ATRN: variants seen among roughly 807,000 people sequenced by gnomAD.
ATRN encodes attractin.
ATRN carries 54 observed loss-of-function variants against 178.7 expected under a neutral mutation model. The observed-to-expected ratio is 0.30, with a 90% CI of 0.24 to 0.38. The LOEUF (loss-of-function observed/expected upper bound fraction) is 0.38, where lower values mean the gene tolerates loss of function less well. Among genes scored for constraint, ATRN ranks in the 10% least tolerant of loss-of-function variants. The pLI, the probability that ATRN is intolerant of heterozygous loss-of-function variation, is 1.00. For synonymous variants in ATRN, 636 were observed against 663.0 expected (o/e 0.96, Z 0.63); for missense variants, 1,443 against 1,815.1 (o/e 0.79, Z 3.73).
chr20:3,555,502 G>A (rs894724235), intron 6 of ATRN, among the ~76,000 whole-genome samples: 2 of 152,124 alleles, frequency 1.3e-5, no homozygotes, highest in Admixed American at 1.3e-4. Flanking sequence ...TCCCTACCCA[G>A]AACTCAGAGC....
At chr20:3,552,331 C>G (rs1280982906) in intron 6 of ATRN, among the ~76,000 whole-genome samples, 1 of 152,162 alleles carries the variant, frequency 6.6e-6, no homozygotes, top group African/African-American at 2.4e-5. Context: ...CTATCTCCAG[C>G]TCTTTAATTG....
chr20:3,487,908 CT>C (rs2084718625), intron 1 of ATRN, among the ~76,000 whole-genome samples: 1 of 152,132 alleles, frequency 6.6e-6, no homozygotes, highest in African/African-American at 2.4e-5. Flanking sequence ...TTTAAAAGCT[CT>C]TTAAGGGTTC....
chr20:3,601,796 G>A (rs2086612657), intron 23 of ATRN, among the ~76,000 whole-genome samples: 1 of 149,832 alleles, frequency 6.7e-6, no homozygotes, highest in Admixed American at 6.7e-5. Context: ...CCCAGGGGTT[G>A]GAGATTGCAC....
chr20:3,622,231 A>G (rs2086902288), intron 24 of ATRN, among the ~76,000 whole-genome samples: 1 of 152,250 alleles, frequency 6.6e-6, no homozygotes, highest in Admixed American at 6.5e-5. Context: ...TAGTTTTCCC[A>G]AAGTCCTCCC....
Position 3,638,779 on chromosome 20 carries a change from ACC to A in ATRN, c.3943-46_3943-45del, listed in dbSNP as rs752686342. The A allele has an allele frequency of 2.0e-6, 3 of 1,524,854 alleles. No individual in the cohort carries two copies. The Admixed American group carries it at 5.1e-5, about 26-fold the overall frequency. The allele number at this position is 1,524,854 out of a possible 1,614,324, so 94.5% of individuals were successfully genotyped here. The stretch of plus-strand genomic sequence containing the variant: ...TTAACATGTAGCATTAACTAATAAA[ACC>A]CCTTCAGTACTCATTCCATTAATGG... On this transcript the variant is annotated intron_variant, in intron 26 of 28. Coordinates refer to ENST00000262919, the MANE Select transcript of ATRN (RefSeq NM_139321.3). This position sits in a 1 kb window ranked among gnomAD's most constrained non-coding sequence, Gnocchi z 4.5.
intron 19 of ATRN, among the ~76,000 whole-genome samples, chr20:3,592,219 G>A (rs1314462578): frequency 1.3e-5 from 2 of 152,112 alleles, no homozygotes; most frequent in East Asian, 1.9e-4. Context: ...GACCAACATG[G>A]TGAAACCCCA....
chr20:3,492,715 C>T (rs964292730), intron 1 of ATRN, among the ~76,000 whole-genome samples: 1 of 151,750 alleles, frequency 6.6e-6, no homozygotes, highest in East Asian at 1.9e-4. Flanking sequence ...TTTATCATTT[C>T]GGGTGGACTG....
chr20:3,496,066 A>G (rs1018401451), intron 1 of ATRN, among the ~76,000 whole-genome samples: 5 of 152,170 alleles, frequency 3.3e-5, no homozygotes, highest in East Asian at 1.9e-4. Flanking sequence ...GAAAAAGGCA[A>G]TCTCTAAAAA....
intron 3 of ATRN, among the ~76,000 whole-genome samples, chr20:3,542,492 A>G (rs1030439373): frequency 1.3e-5 from 2 of 150,604 alleles, no homozygotes; most frequent in African/African-American, 4.9e-5. Flanking sequence ...TTTTTTTAGG[A>G]AAGTTATATG....
chr20:3,524,493 TCAGA>T (rs2085338231), intron 1 of ATRN, among the ~76,000 whole-genome samples: 2 of 152,086 alleles, frequency 1.3e-5, no homozygotes, highest in Admixed American at 6.6e-5. Flanking sequence ...ACTGTCAATA[TCAGA>T]CAGATCAATG....
chr20:3,478,650 G>C (rs990776671), intron 1 of ATRN, among the ~76,000 whole-genome samples: 1 of 152,030 alleles, frequency 6.6e-6, no homozygotes, highest in Admixed American at 6.5e-5. Context: ...AAATCTGCAC[G>C]TTCTGCACAT....
At chr20:3,493,725 A>G (rs924294008) in intron 1 of ATRN, among the ~76,000 whole-genome samples, 3 of 152,220 alleles carry the variant, frequency 2.0e-5, no homozygotes, top group Admixed American at 6.5e-5. Context: ...GTCAGTGTTC[A>G]GATGTCTTTG....
At chr20:3,478,732 A>G (rs2084569526) in intron 1 of ATRN, among the ~76,000 whole-genome samples, 1 of 152,134 alleles carries the variant, frequency 6.6e-6, no homozygotes, top group South Asian at 2.1e-4. Flanking sequence ...TATTACCTCT[A>G]AAATGATCCT....
intron 11 of ATRN, among the ~76,000 whole-genome samples, chr20:3,567,415 G>A (rs147017578): frequency 5.9e-5 from 9 of 152,314 alleles, no homozygotes; most frequent in Admixed American, 1.3e-4. Context: ...CAGAGAAGTT[G>A]AGACTTTACC....
chr20:3,629,406 C>A, intron 25 of ATRN: 2 of 635,522 alleles, frequency 3.1e-6, no homozygotes, highest in Non-Finnish European at 3.9e-6. Flanking sequence ...CTACACTGAG[C>A]ATTTGTACAT....
At chr20:3,577,827 TTGTC>T (rs1257239642) in intron 14 of ATRN, among the ~76,000 whole-genome samples, 9 of 152,156 alleles carry the variant, frequency 5.9e-5, no homozygotes, top group African/African-American at 1.4e-4. Context: ...GAGCAAGTCT[TTGTC>T]TGTTCTTAAA....
At chr20:3,585,121 A>T (rs1280619551) in intron 18 of ATRN, among the ~76,000 whole-genome samples, 2 of 152,198 alleles carry the variant, frequency 1.3e-5, no homozygotes, top group African/African-American at 4.8e-5. Flanking sequence ...TCAGACTTGA[A>T]GTGACCACTC....
chr20:3,516,260 G>C (rs559376954), intron 1 of ATRN, among the ~76,000 whole-genome samples: 2 of 152,312 alleles, frequency 1.3e-5, no homozygotes, highest in African/African-American at 4.8e-5. Flanking sequence ...GTGTTTATAA[G>C]TGTGAAAAGA....
At chr20:3,530,177 A>ATAGAT (rs1353614552) in intron 1 of ATRN, among the ~76,000 whole-genome samples, 1 of 149,734 alleles carries the variant, frequency 6.7e-6, no homozygotes, top group Non-Finnish European at 1.5e-5. Flanking sequence ...TAAAGCAAAA[A>ATAGAT]TAATCTGAGT....
Sources: gnomAD v4.1 joint callset for allele counts (sites outside exome capture counted in the v4.1 genomes callset) on GRCh38, gnomAD v4.1.1 for gene constraint, Gnocchi (gnomAD v3.1) non-coding constraint, MANE v1.5 for transcripts, NCBI Gene and HGNC (gene_info 2026-07-23, HGNC 2026-07-21) for gene names.